The following C1GALT1 variants were observed in gnomAD, a reference collection of about 807,000 sequenced individuals.
C1GALT1 encodes the protein core 1 synthase, glycoprotein-N-acetylgalactosamine 3-beta-galactosyltransferase 1.
A neutral mutation model predicts 31.0 loss-of-function variants in C1GALT1; 11 were observed. The ratio of observed to expected loss-of-function variants is 0.36; its 90% CI spans 0.22 to 0.59. The LOEUF (loss-of-function observed/expected upper bound fraction) is 0.59, where lower values mean the gene tolerates loss of function less well. Ranked by LOEUF, C1GALT1 falls within the 20% of genes least tolerant of loss-of-function variation. The pLI is 0.79. For synonymous variants in C1GALT1, 175 were observed against 143.6 expected, an observed-to-expected ratio of 1.22 and a Z score of -1.56; for missense variants, 424 against 425.2, an observed-to-expected ratio of 1.00 and a Z score of 0.03.
At chr7:7,215,136 C>T (rs1316505083) in intron 1 of C1GALT1, among the ~76,000 whole-genome samples, 9 of 152,124 alleles carry the variant, frequency 5.9e-5, no homozygotes, top group African/African-American at 1.9e-4. Flanking sequence ...TTCCCAAGGA[C>T]GTGAAACAAG....
At chr7:7,181,925 AG>A (rs1780597387), upstream of C1GALT1, among the ~76,000 whole-genome samples, 1 of 152,152 alleles carries the variant, frequency 6.6e-6, no homozygotes, top group Non-Finnish European at 1.5e-5. Context: ...AAGGGGAGAT[AG>A]GTTTTGTTAC....
At chr7:7,170,781 CCAAA>C (rs889512505) in intron 2 of C1GALT1, among the ~76,000 whole-genome samples, 11 of 152,152 alleles carry the variant, frequency 7.2e-5, no homozygotes, top group African/African-American at 2.2e-4. Flanking sequence ...GAGTCCGTCT[CCAAA>C]CAAACAAACA....
rs532562658 is a variant in C1GALT1 at position 7,243,702 on chromosome 7, C to T, written c.1067C>T (p.Thr356Ile). The change falls in exon 4 of 4, where the codon ACA becomes ATA. Residue 356 changes from threonine to isoleucine, a missense_variant. Around this residue, in one of 3 missense-constraint regions of C1GALT1, gnomAD observed 191 missense variants for 188.8 expected, o/e 1.01. Transcript: ENST00000436587. ...AGTCAAGCAAACAAAAATGAAGATA[C>T]AAAAGTGAAGTTAGGAAATCCTTGA... ...EISQANKNEDTKVKLGNP is the reference protein window; with the variant it reads ...EISQANKNEDIKVKLGNP 4 of 1,606,124 alleles carry T rather than the reference C, an allele frequency of 2.5e-6. No homozygotes were observed. Among genetic ancestry groups the T allele is most frequent in the African/African-American group, 2.7e-5 (2 of 74,580 alleles).
chr7:7,192,267 A>G (rs1477287273), intron 1 of C1GALT1, among the ~76,000 whole-genome samples: 2 of 151,880 alleles, frequency 1.3e-5, no homozygotes, highest in East Asian at 1.9e-4. Flanking sequence ...ACAGTACCCA[A>G]TGTGTAGTCA....
intron 1 of C1GALT1, among the ~76,000 whole-genome samples, chr7:7,205,718 G>A (rs949978481): frequency 6.6e-6 from 1 of 152,002 alleles, no homozygotes; most frequent in East Asian, 1.9e-4. Flanking sequence ...TCTGATATTA[G>A]TATGGCACTT....
chr7:7,229,913 A>G (rs1782985988), intron 1 of C1GALT1, among the ~76,000 whole-genome samples: 1 of 152,150 alleles, frequency 6.6e-6, no homozygotes, highest in African/African-American at 2.4e-5. Context: ...ATGAAGGCCT[A>G]CCTTTCTGAA....
intron 1 of C1GALT1, among the ~76,000 whole-genome samples, chr7:7,221,972 C>G (rs1782529544): frequency 6.6e-6 from 1 of 152,132 alleles, no homozygotes; most frequent in Non-Finnish European, 1.5e-5. Context: ...ACGTTAACAC[C>G]AGAACTACCC....
At position 7,246,171 on chromosome 7, in the gene C1GALT1, C is replaced by T. The variant is rs1221075375; in HGVS notation, c.*2444C>T. 1 of 151,874 alleles carries T rather than the reference C, an allele frequency of 6.6e-6. No individual in the cohort carries two copies. The highest frequency in any genetic ancestry group is 2.4e-5 in the African/African-American group (1 of 41,326). 9.4% of individuals were successfully genotyped at this position (151,874 alleles called of 1,614,324 possible). On this transcript the variant is annotated 3_prime_UTR_variant, in exon 4 of 4. Coordinates refer to ENST00000436587, the MANE Select transcript of C1GALT1 (RefSeq NM_020156.5). ...TAATCTGTGTATAATAGTGTTAATC[C>T]TCAAAATTTGGGTGTTATACCCCTA...
chr7:7,227,938 C>T (rs1782856809), intron 1 of C1GALT1, among the ~76,000 whole-genome samples: 2 of 152,140 alleles, frequency 1.3e-5, no homozygotes, highest in Admixed American at 6.5e-5. Context: ...TACCCAGTTT[C>T]AGTTGTTCTG....
At chr7:7,166,719 T>G (rs1021279131) in intron 2 of C1GALT1, among the ~76,000 whole-genome samples, 2 of 152,234 alleles carry the variant, frequency 1.3e-5, no homozygotes, top group Admixed American at 6.5e-5. Context: ...TCTCTAAGAC[T>G]ACATTTTTTA....
chr7:7,214,227 T>C (rs886566880), intron 1 of C1GALT1, among the ~76,000 whole-genome samples: 1 of 152,174 alleles, frequency 6.6e-6, no homozygotes, highest in Non-Finnish European at 1.5e-5. Flanking sequence ...CTCCTTTTAA[T>C]TCCTGGGATT....
At position 7,198,646 on chromosome 7, in the gene C1GALT1, T is replaced by A. The variant is rs191831304; in HGVS notation, c.-18+15826T>A. Among the ~76,000 whole-genome samples the A allele has an allele frequency of 3.8e-3, 579 of 152,340 alleles. 5 individuals carry two copies. Among genetic ancestry groups the A allele is most frequent in the African/African-American group, 0.013 (553 of 41,578 alleles). On this transcript the variant is annotated intron_variant, in intron 1 of 3. Transcript: ENST00000436587. ...CTTTGTACCTCTGGTAGAATTCGGC[T>A]GTGAATCCATCTGGTCCTGGACTTT...
At chr7:7,194,646 A>G (rs1240454947) in intron 1 of C1GALT1, among the ~76,000 whole-genome samples, 1 of 150,034 alleles carries the variant, frequency 6.7e-6, no homozygotes, top group Non-Finnish European at 1.5e-5. Context: ...TTTTTTTGTT[A>G]TATTATTTAC....
At chr7:7,210,565 C>A in intron 1 of C1GALT1, 1 of 154,746 alleles carries the variant, frequency 6.5e-6, no homozygotes, top group Non-Finnish European at 1.4e-5. Context: ...GTGCGGTGGA[C>A]ACCAGCCAGG....
chr7:7,234,250 GTT>G (rs1783230572), intron 1 of C1GALT1, 51 bp from the exon 2 acceptor site: 1 of 1,333,090 alleles, frequency 7.5e-7, no homozygotes, highest in South Asian at 1.3e-5. Context: ...TTTTACTCCG[GTT>G]ATGTATACAG....
At chr7:7,228,336 A>G (rs776422611) in intron 1 of C1GALT1, among the ~76,000 whole-genome samples, 1 of 152,180 alleles carries the variant, frequency 6.6e-6, no homozygotes, top group Non-Finnish European at 1.5e-5. Context: ...CTGAAACCTC[A>G]GTTGTCAAGC....
intron 2 of C1GALT1, among the ~76,000 whole-genome samples, chr7:7,163,776 C>T (rs1313691159): frequency 1.3e-5 from 2 of 151,950 alleles, no homozygotes; most frequent in African/African-American, 4.8e-5. Context: ...GAAGGACCTC[C>T]TCAAGGAGAA....
chr7:7,204,876 A>C (rs1781670573), intron 1 of C1GALT1, among the ~76,000 whole-genome samples: 1 of 152,050 alleles, frequency 6.6e-6, no homozygotes, highest in South Asian at 2.1e-4. Flanking sequence ...ACTTCATTGT[A>C]TTGTGCTCAG....
chr7:7,243,130 C>T (rs1276302045), intron 3 of C1GALT1, among the ~76,000 whole-genome samples: 1 of 151,938 alleles, frequency 6.6e-6, no homozygotes, highest in Non-Finnish European at 1.5e-5. Context: ...GGTATGTTTC[C>T]GAGTATGAGC....
Sources: gnomAD v4.1 joint callset for allele counts (sites outside exome capture counted in the v4.1 genomes callset) on GRCh38, gnomAD v4.1.1 for gene constraint, gnomAD v4.1.1 regional missense constraint, MANE v1.5 for transcripts, NCBI Gene and HGNC (gene_info 2026-07-23, HGNC 2026-07-21) for gene names.